NIPSNAP3B: variants seen among roughly 807,000 people sequenced by gnomAD.
NIPSNAP3B encodes protein NipSnap homolog 3B.
Under a neutral mutation model 31.5 loss-of-function variants are expected in NIPSNAP3B, and 30 were observed. That is an observed-to-expected ratio of 0.95 (90% CI 0.71 to 1.29). NIPSNAP3B has a LOEUF of 1.29. NIPSNAP3B is among the 50% of genes most tolerant of loss of function. The pLI is 0.00. For missense variants in NIPSNAP3B, 269 were observed against 300.7 expected, an observed-to-expected ratio of 0.89 and a Z score of 0.78; for synonymous variants, 106 against 107.9, an observed-to-expected ratio of 0.98 and a Z score of 0.11.
At chr9:104,787,799 T>C in the NIPSNAP3B span, 7 of 1,604,228 alleles carry the variant, frequency 4.4e-6, no homozygotes, top group Non-Finnish European at 5.1e-6. Flanking sequence ...CCAAGGTTGC[T>C]CTGCTGTCCC....
the NIPSNAP3B span, chr9:104,788,329 G>T: frequency 6.4e-7 from 1 of 1,570,502 alleles, no homozygotes. Flanking sequence ...CATTCATGAG[G>T]AAAAACAGCC....
the NIPSNAP3B span, chr9:104,786,231 T>A: frequency 2.3e-6 from 3 of 1,292,942 alleles, no homozygotes; most frequent in African/African-American, 2.9e-5. Context: ...ACCATTTATA[T>A]ACTCACAAAA....
chr9:104,771,055 T>G, intron 4 of NIPSNAP3B, 57 bp downstream of exon 4: 1 of 1,466,274 alleles, frequency 6.8e-7, no homozygotes, highest in Non-Finnish European at 9.3e-7. Flanking sequence ...AGTTCGTCTC[T>G]CTTTTTCATT....
At chr9:104,785,775 G>T in the NIPSNAP3B span, 1 of 983,138 alleles carries the variant, frequency 1.0e-6, no homozygotes. Context: ...CTGAGAGAAG[G>T]AACCAGTTAT....
chr9:104,769,875 GA>G (rs1411455465), intron 3 of NIPSNAP3B, among the ~76,000 whole-genome samples: 1 of 152,094 alleles, frequency 6.6e-6, no homozygotes, highest in African/African-American at 2.4e-5. Context: ...TTCTCAGTTT[GA>G]AAAGATTTGT....
the NIPSNAP3B span, chr9:104,785,282 C>A: frequency 7.2e-7 from 1 of 1,393,860 alleles, no homozygotes; most frequent in African/African-American, 1.4e-5. Flanking sequence ...AATAGTAGAT[C>A]AGGAATTCAA....
At chr9:104,782,152 T>C (rs1828583182), downstream of NIPSNAP3B, 3 of 152,112 alleles carry the variant, frequency 2.0e-5, no homozygotes, top group Non-Finnish European at 4.4e-5. Context: ...ACCATAACTT[T>C]GATTTTGAAA....
Position 104,776,545 on chromosome 9 carries a change from G to A in NIPSNAP3B, c.*3472G>A, listed in dbSNP as rs1271928953. ...TCACTGTGAGGAAACCAGAATGTAAGCCTTCACCAGAACTTCTTCATGCTG... is the reference window on the plus strand; with the variant it reads ...TCACTGTGAGGAAACCAGAATGTAAACCTTCACCAGAACTTCTTCATGCTG... On this transcript the variant is annotated 3_prime_UTR_variant, in exon 6 of 6. Coordinates refer to ENST00000374762, the MANE Select transcript of NIPSNAP3B (RefSeq NM_018376.4). Among the ~76,000 whole-genome samples the A allele has an allele frequency of 2.0e-5, 3 of 152,094 alleles. No individual in the cohort carries two copies. The highest frequency in any genetic ancestry group is 7.2e-5 in the African/African-American group (3 of 41,418).
chr9:104,787,960 G>A, the NIPSNAP3B span: 1 of 1,614,092 alleles, frequency 6.2e-7, no homozygotes, highest in Non-Finnish European at 8.5e-7. Flanking sequence ...AGCCATGGCT[G>A]TAGAGAGCTT....
Position 104,768,889 on chromosome 9 carries a change from C to G in NIPSNAP3B, c.298C>G (p.Arg100Gly). ...YDNFAHRAEV[R>G]KALANCKEWQ... ...TAATTTTGCTCATCGAGCTGAAGTT[C>G]GGAAAGCCTTAGCCAACTGTAAGGA... Residue 100 changes from arginine (R) to glycine (G), a missense_variant, in exon 3 of 6, where the codon CGG becomes GGG. Arg to Gly is a moderately radical substitution (Grantham distance 125). Coordinates refer to ENST00000374762, the MANE Select transcript of NIPSNAP3B (RefSeq NM_018376.4). 1.9e-6 allele frequency: 3 copies of G among 1,607,076 alleles called. No individual in the cohort carries two copies. Among genetic ancestry groups the G allele is most frequent in the Non-Finnish European group, 2.5e-6 (3 of 1,177,044 alleles).
chr9:104,785,689 A>G, the NIPSNAP3B span: 2 of 1,610,032 alleles, frequency 1.2e-6, no homozygotes, highest in Non-Finnish European at 8.5e-7. Flanking sequence ...AAAACTATTT[A>G]AAAGAATACT....
intron 3 of NIPSNAP3B, among the ~76,000 whole-genome samples, chr9:104,770,238 C>A (rs1828184907): frequency 6.6e-6 from 1 of 152,098 alleles, no homozygotes; most frequent in Non-Finnish European, 1.5e-5. Flanking sequence ...TTTCTCTCCA[C>A]CCATCTTATA....
the NIPSNAP3B span, chr9:104,784,371 C>T: frequency 2.2e-4 from 361 of 1,614,094 alleles, no homozygotes; most frequent in Middle Eastern, 2.3e-3. Context: ...AGAACTGCAA[C>T]GTCCACTACT....
At chr9:104,771,080 A>G in intron 4 of NIPSNAP3B, 82 bp downstream of exon 4, 1 of 1,248,312 alleles carries the variant, frequency 8.0e-7, no homozygotes, top group Non-Finnish European at 1.1e-6. Flanking sequence ...TACCTGTTTT[A>G]ATTTTTATCT....
chr9:104,787,440 C>T, the NIPSNAP3B span, among the ~76,000 whole-genome samples: 4 of 151,882 alleles, frequency 2.6e-5, no homozygotes, highest in Admixed American at 2.0e-4. Context: ...AGGTGGAATA[C>T]ATAAAAGCCT....
chr9:104,778,556 C>G (rs980810551), downstream of NIPSNAP3B, among the ~76,000 whole-genome samples: 2 of 152,186 alleles, frequency 1.3e-5, no homozygotes, highest in Non-Finnish European at 2.9e-5. Flanking sequence ...TATTTTCCAT[C>G]ATTGCCCCTG....
chr9:104,789,538 G>C, the NIPSNAP3B span, among the ~76,000 whole-genome samples: 2 of 152,192 alleles, frequency 1.3e-5, no homozygotes, highest in Non-Finnish European at 2.9e-5. Context: ...CAAATTGTGA[G>C]TCATTGTTCA....
chr9:104,786,538 G>A, the NIPSNAP3B span: 1 of 763,344 alleles, frequency 1.3e-6, no homozygotes, highest in East Asian at 2.6e-5. Context: ...GTTCAGTGTA[G>A]TGGTGTTTAC....
Position 104,764,153 on chromosome 9 carries a change from A to C in NIPSNAP3B, c.-88A>C, listed in dbSNP as rs2118773049. ...CCCTGCCTGAGTTCGCCAGTGGTCCAGGAGCCGCTTTTTTCCACTCGGGAA... is the reference window on the plus strand; with the variant it reads ...CCCTGCCTGAGTTCGCCAGTGGTCCCGGAGCCGCTTTTTTCCACTCGGGAA... On this transcript the variant is annotated 5_prime_UTR_variant, in exon 1 of 6. Coordinates refer to ENST00000374762, the MANE Select transcript of NIPSNAP3B (RefSeq NM_018376.4). 7.6e-7 allele frequency: 1 copy of C among 1,319,536 alleles called. No individual in the cohort carries two copies. Among genetic ancestry groups the C allele is most frequent in the East Asian group, 2.6e-5 (1 of 38,110 alleles). The allele number at this position is 1,319,536 out of a possible 1,614,324, so 81.7% of individuals were successfully genotyped here.
Sources: gnomAD v4.1 joint callset for allele counts (sites outside exome capture counted in the v4.1 genomes callset) on GRCh38, gnomAD v4.1.1 for gene constraint, MANE v1.5 for transcripts, NCBI Gene and HGNC (gene_info 2026-07-23, HGNC 2026-07-21) for gene names.